Variants in GARS1 observed in about 807,000 individuals in gnomAD.
GARS1 encodes glycine--tRNA ligase.
A neutral mutation model predicts 86.4 loss-of-function variants in GARS1; 46 were observed. The observed-to-expected ratio is 0.53, with a 90% CI of 0.42 to 0.68. GARS1 has a LOEUF of 0.68. Ranked by LOEUF, GARS1 falls within the 30% of genes least tolerant of loss-of-function variation. The probability of loss-of-function intolerance (pLI) is 0.00; values close to 1 mark genes in which losing one functional copy is unlikely to be tolerated. For missense variants in GARS1, 797 were observed against 915.6 expected, an observed-to-expected ratio of 0.87 and a Z score of 1.67; for synonymous variants, 342 against 329.8, an observed-to-expected ratio of 1.04 and a Z score of -0.40.
In GARS1 at chr7:30,603,598, A is replaced by G. The variant is rs755130645; in HGVS notation, c.735+26A>G. On this transcript the variant is annotated intron_variant, in intron 6 of 16. Coordinates refer to ENST00000389266, the MANE Select transcript of GARS1 (RefSeq NM_002047.4). ...GTGAGTACTCTAGAGATGTTATCAG[A>G]GTAACCTAGGTGGTCGCTGTCCTTC... The G allele has an allele frequency of 9.7e-6, 15 of 1,542,920 alleles. No homozygotes were observed. In the African/African-American group the frequency reaches 1.8e-4, roughly 18 times the overall value.
At chr7:30,602,722 A>G (rs1562772658) in intron 4 of GARS1, among the ~76,000 whole-genome samples, 1 of 152,258 alleles carries the variant, frequency 6.6e-6, no homozygotes, top group Non-Finnish European at 1.5e-5. Context: ...TAATAATGGC[A>G]TAGGCATGGA....
chr7:30,610,751 A>G (rs950123055), intron 7 of GARS1, among the ~76,000 whole-genome samples: 4 of 152,224 alleles, frequency 2.6e-5, no homozygotes, highest in African/African-American at 9.6e-5. Context: ...TATAAATTGA[A>G]AGTAGAAATA....
intron 9 of GARS1, 44 bp downstream of exon 9, chr7:30,616,102 G>T (rs771316587): frequency 6.2e-7 from 1 of 1,608,302 alleles, no homozygotes; most frequent in South Asian, 1.1e-5. Context: ...GCCTGTTCAG[G>T]GTTTGCAGCA....
chr7:30,633,766 T>A lies in GARS1; in HGVS notation c.2126T>A (p.Leu709Gln), dbSNP rs1330189199. 1 of 1,614,008 alleles carries A rather than the reference T, an allele frequency of 6.2e-7. No homozygotes were observed. The highest frequency in any genetic ancestry group is 8.5e-7 in the Non-Finnish European group (1 of 1,179,998). Residue 709 changes from leucine to glutamine, a missense_variant, in exon 17 of 17, where the codon CTA becomes CAA. By Grantham distance (113) the Leu-to-Gln change is moderately radical (BLOSUM62 -2). Around this residue, in one of 2 missense-constraint regions of GARS1, gnomAD observed 598 missense variants for 738.7 expected, o/e 0.81. Transcript: ENST00000389266. ...GAGCTGCCCAGCATAGTCCAAGACC[T>A]AGCCAATGGCAACATCACATGGGCT... ...ISELPSIVQD[L>Q]ANGNITWADV...
chr7:30,623,653 A>T (rs894171744), intron 12 of GARS1, among the ~76,000 whole-genome samples: 8 of 152,184 alleles, frequency 5.3e-5, no homozygotes, highest in Admixed American at 4.6e-4. Context: ...GGGTGTATAG[A>T]AAAAATATTA....
chr7:30,626,190 G>T lies in GARS1; in HGVS notation c.1614-44G>T, dbSNP rs754355347. On this transcript the variant is annotated intron_variant, in intron 12 of 16. Coordinates refer to ENST00000389266, the MANE Select transcript of GARS1 (RefSeq NM_002047.4). ...AAATTCCTTTAAATTAAGGCACAGG[G>T]TGCCTGTTTGAACTAATACAAAATG... 27 of 1,207,690 alleles carry T rather than the reference G, an allele frequency of 2.2e-5. No individual in the cohort carries two copies. The Admixed American group carries it at 3.9e-4, about 18-fold the overall frequency. 74.8% of individuals were successfully genotyped at this position (1,207,690 alleles called of 1,614,324 possible).
chr7:30,603,661 T>C, intron 6 of GARS1, 89 bp downstream of exon 6: 1 of 916,278 alleles, frequency 1.1e-6, no homozygotes, highest in Non-Finnish European at 1.8e-6. Flanking sequence ...CCCATTATGC[T>C]GACCCTGGCC....
At chr7:30,595,467 G>A (rs1791228015) in intron 1 of GARS1, among the ~76,000 whole-genome samples, 1 of 152,086 alleles carries the variant, frequency 6.6e-6, no homozygotes, top group Non-Finnish European at 1.5e-5. Flanking sequence ...AGTGGGGCTG[G>A]GATCTGTGAC....
intron 3 of GARS1, 142 bp downstream of exon 3, chr7:30,600,191 G>A: frequency 1.4e-6 from 1 of 691,900 alleles, no homozygotes. Context: ...TTGTTTGCTT[G>A]GAGTCACCAT....
intron 1 of GARS1, among the ~76,000 whole-genome samples, chr7:30,597,747 G>A (rs2128132264): frequency 6.6e-6 from 1 of 152,222 alleles, no homozygotes; most frequent in Non-Finnish European, 1.5e-5. Context: ...AAGAACAAGA[G>A]ACTACCAAAA....
intron 12 of GARS1, among the ~76,000 whole-genome samples, chr7:30,624,019 G>C (rs1783073039): frequency 6.6e-6 from 1 of 152,146 alleles, no homozygotes; most frequent in Non-Finnish European, 1.5e-5. Context: ...TCAACCTGCG[G>C]CCTGCAGGCT....
In GARS1 at chr7:30,595,075, C is replaced by G. The variant is rs1418015301; in HGVS notation, c.154C>G (p.Arg52Gly). 12 of 1,549,226 alleles carry G rather than the reference C, an allele frequency of 7.7e-6. No individual in the cohort carries two copies. Among genetic ancestry groups the G allele is most frequent in the Non-Finnish European group, 1.0e-5 (12 of 1,153,244 alleles). Residue 52 changes from arginine to glycine, a missense_variant, in exon 1 of 17, where the codon CGG (arginine) becomes GGG (glycine). Transcript: ENST00000389266. ...GATCTCCTTGCCCGCCGCCGCCTCC[C>G]GGAGCAGCATGGACGGCGCGGGGGC... is the stretch of plus-strand genomic sequence containing the variant. ...PPISLPAAAS[R>G]SSMDGAGAEE...
chr7:30,632,435 G>A lies in GARS1; in HGVS notation c.2092G>A (p.Glu698Lys). 1 of 1,614,146 alleles carries A rather than the reference G, an allele frequency of 6.2e-7. No homozygotes were observed. Among genetic ancestry groups the A allele is most frequent in the Middle Eastern group, 1.7e-4 (1 of 6,058 alleles). Residue 698 changes from glutamate (E) to lysine (K), a missense_variant and splice_region_variant, in exon 16 of 17, where the codon GAG (glutamate) becomes AAG (lysine). Physicochemically the swap from Glu to Lys is moderately conservative, Grantham distance 56. This residue lies in a region of GARS1 where 598 missense variants were observed against 738.7 expected (regional missense o/e 0.81). Transcript: ENST00000389266. The surrounding 1 kb of genome is among the most constrained non-coding windows in gnomAD (Gnocchi z 4.1). ...DRDSMRQIRAEISELPSIVQD... is the reference protein window; with the variant it reads ...DRDSMRQIRAKISELPSIVQD... Reference sequence around the variant, plus strand: ...TGACTCAATGCGGCAGATAAGAGCAGAGGTATCTGGCCTTCTCTTTGGCAT... The same window carrying A: ...TGACTCAATGCGGCAGATAAGAGCAAAGGTATCTGGCCTTCTCTTTGGCAT...
chr7:30,600,131 T>C (rs1791344050), intron 3 of GARS1, 82 bp downstream of exon 3: 5 of 1,024,100 alleles, frequency 4.9e-6, no homozygotes, highest in Admixed American at 1.8e-5. Context: ...GGCTTGCCTG[T>C]TGGTATCCAC....
intron 4 of GARS1, 30 bp downstream of exon 4, chr7:30,601,230 C>T (rs925400735): frequency 6.3e-7 from 1 of 1,598,016 alleles, no homozygotes; most frequent in African/African-American, 1.3e-5. Context: ...TGGGGGTATC[C>T]TACTTTAAAT....
intron 9 of GARS1, 21 bp downstream of exon 9, chr7:30,616,079 T>G (rs1233083403): frequency 1.9e-6 from 3 of 1,613,754 alleles, no homozygotes; most frequent in East Asian, 4.5e-5. Context: ...GGAGGTAACT[T>G]AACTTAGATT....
At chr7:30,626,437 C>A in intron 13 of GARS1, 118 bp downstream of exon 13, 2 of 701,220 alleles carry the variant, frequency 2.9e-6, no homozygotes, top group Non-Finnish European at 5.2e-6. Context: ...CCTCTGCCTC[C>A]CCGGCTCAAG....
rs955626963 is a variant in GARS1, at chr7:30,632,265, A to G, written c.1922A>G (p.His641Arg). The change falls in exon 16 of 17, where the codon CAT becomes CGT. Residue 641 changes from histidine (H) to arginine (R), a missense_variant. By Grantham distance (29) the His-to-Arg change is conservative. Transcript: ENST00000389266. The surrounding 1 kb of genome is among the most constrained non-coding windows in gnomAD (Gnocchi z 4.1). ...VKELSEALTR[H>R]GVSHKVDDSS... The stretch of plus-strand genomic sequence containing the variant: ...TGGATAGCGGAAGCCCTGACCAGGC[A>G]TGGAGTATCTCACAAAGTAGACGAT... 7.4e-6 allele frequency: 12 copies of G among 1,614,080 alleles called. No individual in the cohort carries two copies. The highest frequency in any genetic ancestry group is 1.7e-5 in the Admixed American group (1 of 60,008).
chr7:30,611,334 C>T (rs1294434600), intron 7 of GARS1, among the ~76,000 whole-genome samples: 1 of 152,066 alleles, frequency 6.6e-6, no homozygotes, highest in African/African-American at 2.4e-5. Context: ...CTTTTTAGCC[C>T]CTCAGTTAAG....
Sources: allele counts gnomAD v4.1 joint callset (sites outside exome capture counted in the v4.1 genomes callset), GRCh38; gene constraint gnomAD v4.1.1; regional missense constraint gnomAD v4.1.1; non-coding constraint Gnocchi (gnomAD v3.1); transcripts MANE v1.5; gene names NCBI Gene and HGNC (gene_info 2026-07-23, HGNC 2026-07-21).